GPM6A: variants seen among roughly 807,000 people sequenced by gnomAD.
GPM6A encodes neuronal membrane glycoprotein M6-a.
In GPM6A, 7 loss-of-function variants were observed where a neutral mutation model predicts 32.1. The observed-to-expected ratio is 0.22, with a 90% CI of 0.12 to 0.41. The LOEUF (loss-of-function observed/expected upper bound fraction) is 0.41. Ranked by LOEUF, GPM6A falls within the 10% of genes least tolerant of loss-of-function variation. GPM6A has a pLI of 1.00. For missense variants in GPM6A, 235 were observed against 347.2 expected (o/e 0.68, Z 2.57); for synonymous variants, 130 against 123.4 (o/e 1.05, Z -0.35).
chr4:175,837,560 T>C (rs1202375947), intron 1 of GPM6A, among the ~76,000 whole-genome samples: 2 of 152,074 alleles, frequency 1.3e-5, no homozygotes, highest in Non-Finnish European at 2.9e-5. Flanking sequence ...TTTGGCAATA[T>C]TTTGAAGACC....
intron 1 of GPM6A, among the ~76,000 whole-genome samples, chr4:175,955,047 A>G (rs1414060813): frequency 6.6e-6 from 1 of 152,250 alleles, no homozygotes; most frequent in African/African-American, 2.4e-5. Flanking sequence ...AAGAGTCCTG[A>G]GAAGTAGAGA....
intron 1 of GPM6A, among the ~76,000 whole-genome samples, chr4:175,989,089 T>C (rs1057369520): frequency 6.6e-6 from 1 of 152,088 alleles, no homozygotes; most frequent in African/African-American, 2.4e-5. Flanking sequence ...CACATTTGCA[T>C]CTAAAAATTC....
intron 1 of GPM6A, among the ~76,000 whole-genome samples, chr4:175,934,472 T>C (rs932369645): frequency 6.6e-6 from 1 of 152,186 alleles, no homozygotes; most frequent in African/African-American, 2.4e-5. Context: ...CTCTAAAATA[T>C]AACCCAAATC....
At chr4:175,916,327 G>C (rs1738492161) in intron 1 of GPM6A, among the ~76,000 whole-genome samples, 1 of 152,136 alleles carries the variant, frequency 6.6e-6, no homozygotes, top group Admixed American at 6.6e-5. Context: ...GACTCTCTTA[G>C]CCAAGGGCAA....
intron 3 of GPM6A, among the ~76,000 whole-genome samples, chr4:175,658,547 G>C (rs1360314109): frequency 6.6e-6 from 1 of 152,160 alleles, no homozygotes; most frequent in African/African-American, 2.4e-5. Context: ...GCAACACCCA[G>C]AGAAAATCCT....
intron 1 of GPM6A, among the ~76,000 whole-genome samples, chr4:175,968,250 AT>A (rs551743813): frequency 1.3e-5 from 2 of 152,312 alleles, no homozygotes; most frequent in South Asian, 4.1e-4. Flanking sequence ...AGAAGGAGTT[AT>A]TATAGCTTTC....
At chr4:175,908,986 C>T (rs1480993406) in intron 1 of GPM6A, among the ~76,000 whole-genome samples, 1 of 122,388 alleles carries the variant, frequency 8.2e-6, no homozygotes, top group Non-Finnish European at 1.6e-5. Context: ...GAGGATGCTC[C>T]CTGTGTTATC....
At chr4:175,717,301 T>C (rs1745889835) in intron 1 of GPM6A, among the ~76,000 whole-genome samples, 1 of 152,214 alleles carries the variant, frequency 6.6e-6, no homozygotes, top group Admixed American at 6.5e-5. Flanking sequence ...CCCTTTACTG[T>C]CCATGAAAGA....
intron 1 of GPM6A, among the ~76,000 whole-genome samples, chr4:175,702,566 G>C (rs1744939322): frequency 6.6e-6 from 1 of 152,096 alleles, no homozygotes; most frequent in Admixed American, 6.5e-5. Context: ...CCAGGTTGGA[G>C]TGCAGCGGAA....
chr4:175,818,493 C>T (rs941656012), intron 1 of GPM6A, among the ~76,000 whole-genome samples: 4 of 152,238 alleles, frequency 2.6e-5, no homozygotes, highest in Admixed American at 6.5e-5. Flanking sequence ...ATCTTCCCCC[C>T]TGGCCTGCGG....
At chr4:175,958,630 T>C (rs113221879) in intron 1 of GPM6A, among the ~76,000 whole-genome samples, 2 of 152,250 alleles carry the variant, frequency 1.3e-5, no homozygotes, top group African/African-American at 4.8e-5. Context: ...TGGAGAATGC[T>C]TGCCTCTAGA....
intron 1 of GPM6A, among the ~76,000 whole-genome samples, chr4:175,763,790 T>A (rs11944860): frequency 0.047 from 7,140 of 152,202 alleles, 566 homozygotes; most frequent in African/African-American, 0.16. Flanking sequence ...TAATTTAAAT[T>A]TGCTTTTATT....
chr4:175,701,465 G>A (rs1744875631), intron 2 of GPM6A, 110 bp downstream of exon 2: 2 of 764,006 alleles, frequency 2.6e-6, no homozygotes, highest in Non-Finnish European at 2.2e-6. Context: ...CCCTAAAAGT[G>A]CTGTTTCATA....
intron 2 of GPM6A, among the ~76,000 whole-genome samples, chr4:175,692,172 A>G (rs1388382227): frequency 6.6e-6 from 1 of 152,186 alleles, no homozygotes; most frequent in East Asian, 1.9e-4. Context: ...GTAAGCTAGA[A>G]CTTGTTATTA....
At chr4:175,666,161 C>A (rs1317795314) in intron 3 of GPM6A, among the ~76,000 whole-genome samples, 6 of 152,042 alleles carry the variant, frequency 3.9e-5, no homozygotes, top group Non-Finnish European at 7.4e-5. Flanking sequence ...CTTAGGTGAT[C>A]CACCTGCCTC....
At chr4:175,940,653 C>T (rs971296415) in intron 1 of GPM6A, among the ~76,000 whole-genome samples, 1 of 151,998 alleles carries the variant, frequency 6.6e-6, no homozygotes, top group Non-Finnish European at 1.5e-5. Flanking sequence ...GTCGCCCAGG[C>T]TGGAGAGTGC....
At chr4:175,721,175 T>A (rs1471825832) in intron 1 of GPM6A, among the ~76,000 whole-genome samples, 1 of 91,158 alleles carries the variant, frequency 1.1e-5, no homozygotes, top group Non-Finnish European at 3.1e-5. Context: ...ATTTTCTATT[T>A]TTAAAAAGGC....
intron 1 of GPM6A, among the ~76,000 whole-genome samples, chr4:175,873,390 TTTC>T (rs1736974560): frequency 6.6e-6 from 1 of 152,116 alleles, no homozygotes; most frequent in Admixed American, 6.6e-5. Flanking sequence ...ACAATCACAT[TTTC>T]TTCTATGTGT....
chr4:175,925,210 G>A (rs1478547788), intron 1 of GPM6A, among the ~76,000 whole-genome samples: 1 of 152,178 alleles, frequency 6.6e-6, no homozygotes, highest in Non-Finnish European at 1.5e-5. Flanking sequence ...AATGATTTAC[G>A]ATGTGAAACT....
Sources: allele counts gnomAD v4.1 joint callset (sites outside exome capture counted in the v4.1 genomes callset), GRCh38; gene constraint gnomAD v4.1.1; transcripts MANE v1.5; gene names NCBI Gene and HGNC (gene_info 2026-07-23, HGNC 2026-07-21).